The following CNIH3 variants were observed in gnomAD, a reference collection of about 807,000 sequenced individuals.
CNIH3 encodes the protein protein cornichon homolog 3.
CNIH3 carries 14 observed loss-of-function variants against 24.1 expected under a neutral mutation model. The ratio of observed to expected loss-of-function variants is 0.58; its 90% CI spans 0.38 to 0.91. CNIH3 has a LOEUF of 0.91. Among genes scored for constraint, CNIH3 ranks in the 40% least tolerant of loss-of-function variants. The pLI is 0.00. For synonymous variants in CNIH3, 68 were observed against 73.8 expected (o/e 0.92, Z 0.40); for missense variants, 178 against 196.8 (o/e 0.90, Z 0.57).
chr1:224,589,367 T>C (rs1056777826), downstream of CNIH3, among the ~76,000 whole-genome samples: 1 of 152,180 alleles, frequency 6.6e-6, no homozygotes. Flanking sequence ...ACATTCTGAA[T>C]CAAAATAATG....
chr1:224,464,941 G>C (rs538847176), intron 1 of CNIH3, among the ~76,000 whole-genome samples: 1 of 151,608 alleles, frequency 6.6e-6, no homozygotes, highest in South Asian at 2.1e-4. Flanking sequence ...GCCCACAGGT[G>C]TGTACCACTA....
At chr1:224,508,570 C>T (rs1223319748) in intron 1 of CNIH3, among the ~76,000 whole-genome samples, 1 of 152,196 alleles carries the variant, frequency 6.6e-6, no homozygotes, top group Non-Finnish European at 1.5e-5. Context: ...ACTTCCAGTT[C>T]CTTCCTGCTT....
intron 3 of CNIH3, among the ~76,000 whole-genome samples, chr1:224,603,957 A>G (rs1682312314): frequency 6.6e-6 from 1 of 152,244 alleles, no homozygotes; most frequent in African/African-American, 2.4e-5. Context: ...AAATGTATAA[A>G]TATTGAAACG....
chr1:224,688,024 T>G (rs1312809383), intron 3 of CNIH3, among the ~76,000 whole-genome samples: 1 of 152,118 alleles, frequency 6.6e-6, no homozygotes, highest in African/African-American at 2.4e-5. Flanking sequence ...ATATCTCAAA[T>G]GGGAAACTTG....
At chr1:224,511,411 G>A (rs896040097), upstream of CNIH3, among the ~76,000 whole-genome samples, 1 of 152,222 alleles carries the variant, frequency 6.6e-6, no homozygotes, top group Non-Finnish European at 1.5e-5. Flanking sequence ...AAATAGCTGA[G>A]TATTCTCCAC....
At chr1:224,669,861 G>A (rs1685777124) in intron 1 of CNIH3, among the ~76,000 whole-genome samples, 1 of 152,140 alleles carries the variant, frequency 6.6e-6, no homozygotes, top group South Asian at 2.1e-4. Flanking sequence ...ACAAACAAAT[G>A]AGGCAGAATT....
At chr1:224,632,158 AC>A (rs1683853032) in intron 1 of CNIH3, among the ~76,000 whole-genome samples, 2 of 152,272 alleles carry the variant, frequency 1.3e-5, no homozygotes, top group South Asian at 4.2e-4. Context: ...GTCTGAGATA[AC>A]CCACTCTCGA....
At position 224,626,504 on chromosome 1, in the gene CNIH3, A is replaced by G. The variant is rs1311186153; in HGVS notation, c.81+9249A>G. 5.9e-5 allele frequency among the ~76,000 whole-genome samples: 9 copies of G among 152,360 alleles called. No individual in the cohort carries two copies. The East Asian group carries it at 1.4e-3, about 23-fold the overall frequency. The stretch of plus-strand genomic sequence containing the variant: ...AAGCCCAAACAAAAAACTAAAAAAT[A>G]TATCTAAAGATTAGGCTGATAGACT... On this transcript the variant is annotated intron_variant, in intron 1 of 5. Coordinates refer to ENST00000272133, the MANE Select transcript of CNIH3 (RefSeq NM_152495.2).
At chr1:224,570,710 T>A (rs1449485067) in intron 4 of CNIH3, among the ~76,000 whole-genome samples, 1 of 152,184 alleles carries the variant, frequency 6.6e-6, no homozygotes, top group Admixed American at 6.5e-5. Flanking sequence ...AAACATTTCC[T>A]TTATAGTTTA....
At chr1:224,500,144 C>T (rs900966593) in intron 1 of CNIH3, among the ~76,000 whole-genome samples, 9 of 151,610 alleles carry the variant, frequency 5.9e-5, no homozygotes, top group South Asian at 2.1e-4. Flanking sequence ...GCTGGGACTA[C>T]AGGCCTGCAC....
chr1:224,457,251 G>A (rs1199312105), intron 1 of CNIH3, among the ~76,000 whole-genome samples: 1 of 149,274 alleles, frequency 6.7e-6, no homozygotes, highest in Non-Finnish European at 1.5e-5. Flanking sequence ...AAGGATGGCC[G>A]TAGCTGAGCC....
At chr1:224,576,581 A>C (rs1313874637) in intron 4 of CNIH3, among the ~76,000 whole-genome samples, 1 of 152,224 alleles carries the variant, frequency 6.6e-6, no homozygotes, top group East Asian at 1.9e-4. Context: ...ACATGTGGTT[A>C]GTTAACATTC....
chr1:224,510,609 C>CAA lies in CNIH3; in HGVS notation n.204-5123_204-5122dup, dbSNP rs375132413. Among the ~76,000 whole-genome samples the CAA allele has an allele frequency of 2.8e-3, 290 of 104,268 alleles. 5 individuals are homozygous for CAA. In the East Asian group the frequency reaches 0.046, roughly 16 times the overall value. 68.4% of individuals were successfully genotyped at this position (104,268 alleles called of 152,430 possible). A position where few individuals can be genotyped will look rare whatever the true frequency, so the allele number is the denominator to read the frequency against. Reference sequence around the variant, plus strand: ...AGGACCCTGTCTCAAAAAAAAAAAACAAAAAAAAAACAAAAAAAAGAAAGA... The same window carrying CAA: ...AGGACCCTGTCTCAAAAAAAAAAAACAAAAAAAAAAAACAAAAAAAAGAAAGA... On this transcript the variant is annotated intron_variant and non_coding_transcript_variant, in intron 1 of 5. Transcript: ENST00000471578.
Position 224,680,978 on chromosome 1 carries a change from A to G in CNIH3, c.102A>G (p.Leu34=), listed in dbSNP as rs1686369776. 1 of 1,613,908 alleles carries G rather than the reference A, an allele frequency of 6.2e-7. No individual in the cohort carries two copies. Among genetic ancestry groups the G allele is most frequent in the Non-Finnish European group, 8.5e-7 (1 of 1,179,870 alleles). ...AIWHIIAFDE[L]RTDFKSPIDQ... is the part of the protein sequence containing the mutation. ...TTCAGATAATTGCCTTTGATGAGTT[A>G]AGGACAGATTTTAAGAGCCCCATAG... The change falls in exon 2 of 6, where the codon TTA becomes TTG. Residue 34 remains leucine (L), a synonymous_variant. Coordinates refer to ENST00000272133, the MANE Select transcript of CNIH3 (RefSeq NM_152495.2).
intron 5 of CNIH3, among the ~76,000 whole-genome samples, chr1:224,736,031 C>G (rs563655766): frequency 6.6e-6 from 1 of 152,278 alleles, no homozygotes; most frequent in Non-Finnish European, 1.5e-5. Flanking sequence ...GAAAAATGAA[C>G]TGAATCTGAG....
At position 224,572,389 on chromosome 1, in the gene CNIH3, G is replaced by A. The variant is rs149989731; in HGVS notation, n.516+6125G>A. Among the ~76,000 whole-genome samples the A allele has an allele frequency of 3.9e-5, 6 of 152,054 alleles. No homozygotes were observed. The East Asian group carries it at 9.7e-4, about 25-fold the overall frequency. ...AACTTATCTGGGCAAGGTGGCTCAC[G>A]CCTGTAGTCCCAGCTATTTGGGAGG... is the stretch of plus-strand genomic sequence containing the variant. On this transcript the variant is annotated intron_variant and non_coding_transcript_variant, in intron 4 of 5. Coordinates refer to the CNIH3 transcript ENST00000471578.
At chr1:224,486,082 A>G (rs183646344) in intron 1 of CNIH3, among the ~76,000 whole-genome samples, 1 of 152,064 alleles carries the variant, frequency 6.6e-6, no homozygotes, top group Admixed American at 6.5e-5. Flanking sequence ...GGGTTACCAC[A>G]GGCATCTCAA....
intron 3 of CNIH3, among the ~76,000 whole-genome samples, chr1:224,686,965 C>T (rs1046988600): frequency 3.9e-5 from 6 of 152,250 alleles, no homozygotes; most frequent in Admixed American, 2.0e-4. Context: ...TTGCCCCTTT[C>T]ATTTGTACAT....
At chr1:224,572,494 T>G (rs1328313027) in intron 4 of CNIH3, among the ~76,000 whole-genome samples, 3 of 146,330 alleles carry the variant, frequency 2.1e-5, no homozygotes, top group African/African-American at 7.6e-5. Flanking sequence ...TCAGCCTGGG[T>G]GACAGAGTGA....
Sources: gnomAD v4.1 joint callset for allele counts (sites outside exome capture counted in the v4.1 genomes callset) on GRCh38, gnomAD v4.1.1 for gene constraint, MANE v1.5 for transcripts, NCBI Gene and HGNC (gene_info 2026-07-23, HGNC 2026-07-21) for gene names.